Variants in NTM observed in about 807,000 individuals in gnomAD.
The protein encoded by NTM is IgLON family member 2.
A neutral mutation model predicts 42.1 loss-of-function variants in NTM; 13 were observed. That is an observed-to-expected ratio of 0.31 (90% CI 0.20 to 0.49). The LOEUF (loss-of-function observed/expected upper bound fraction) is 0.49, where lower values mean the gene tolerates loss of function less well. NTM is among the 20% of genes least tolerant of loss of function. The pLI is 0.99. For synonymous variants in NTM, 187 were observed against 179.2 expected, an observed-to-expected ratio of 1.04 and a Z score of -0.35; for missense variants, 373 against 452.8, an observed-to-expected ratio of 0.82 and a Z score of 1.60.
chr11:132,126,766 C>T (rs1000157598), intron 2 of NTM, among the ~76,000 whole-genome samples: 5 of 152,136 alleles, frequency 3.3e-5, no homozygotes, highest in African/African-American at 9.7e-5. Flanking sequence ...GCCTCCAGAA[C>T]GTGCCTTTTT....
At chr11:131,685,323 A>AGAGTC (rs1292517070) in intron 1 of NTM, among the ~76,000 whole-genome samples, 4 of 152,128 alleles carry the variant, frequency 2.6e-5, no homozygotes, top group African/African-American at 9.6e-5. Flanking sequence ...GGGCTCATGG[A>AGAGTC]GAGTCGGGCA....
At chr11:131,982,621 G>A (rs2065429853) in intron 2 of NTM, among the ~76,000 whole-genome samples, 1 of 152,092 alleles carries the variant, frequency 6.6e-6, no homozygotes, top group African/African-American at 2.4e-5. Flanking sequence ...CACATAAAAT[G>A]AAAGGGGGGG....
chr11:132,274,881 A>G (rs2139742931), intron 4 of NTM, among the ~76,000 whole-genome samples: 1 of 152,222 alleles, frequency 6.6e-6, no homozygotes, highest in Non-Finnish European at 1.5e-5. Flanking sequence ...GATGTTGAAT[A>G]TCTTTTCATT....
intron 6 of NTM, among the ~76,000 whole-genome samples, chr11:132,311,761 G>GA (rs141441183): frequency 0.033 from 5,061 of 152,150 alleles, 270 homozygotes; most frequent in African/African-American, 0.11. Flanking sequence ...GAGAAAAATA[G>GA]AAAAAATACA....
chr11:132,180,063 A>G (rs1365586935), intron 3 of NTM, among the ~76,000 whole-genome samples: 1 of 152,198 alleles, frequency 6.6e-6, no homozygotes, highest in Non-Finnish European at 1.5e-5. Flanking sequence ...TTAAAGGCCT[A>G]TGGGAACCCC....
At chr11:131,882,208 CTA>C (rs2049646163) in intron 1 of NTM, among the ~76,000 whole-genome samples, 1 of 152,110 alleles carries the variant, frequency 6.6e-6, no homozygotes, top group Non-Finnish European at 1.5e-5. Flanking sequence ...TTCTATCTAT[CTA>C]TGTGAAAGAG....
intron 2 of NTM, among the ~76,000 whole-genome samples, chr11:132,010,107 C>T (rs2071780669): frequency 6.6e-6 from 1 of 152,218 alleles, no homozygotes. Flanking sequence ...AATCCAAACA[C>T]TTATCCTCAC....
Position 132,035,017 on chromosome 11 carries a change from T to C in NTM, c.168-111265T>C, listed in dbSNP as rs1219776890. 3.3e-5 allele frequency among the ~76,000 whole-genome samples: 5 copies of C among 152,362 alleles called. No individual in the cohort carries two copies. The East Asian group carries it at 9.6e-4, about 29-fold the overall frequency. ...GTTTATGCTCATATTTCTGATGTTT[T>C]TCTTCCCATGGTTTTCATTAACAAA... On this transcript the variant is annotated intron_variant, in intron 2 of 8. Transcript: ENST00000683400.
At chr11:132,052,773 CTGTGTGTGTG>C (rs5795753) in intron 2 of NTM, among the ~76,000 whole-genome samples, 8 of 148,272 alleles carry the variant, frequency 5.4e-5, no homozygotes, top group South Asian at 4.4e-4. Context: ...TCCAGGCTCA[CTGTGTGTGTG>C]TGTGTGTGTG....
At chr11:131,403,925 C>G (rs927935939) in intron 1 of NTM, among the ~76,000 whole-genome samples, 2 of 152,088 alleles carry the variant, frequency 1.3e-5, no homozygotes, top group Non-Finnish European at 2.9e-5. Flanking sequence ...GGGGCCTCTC[C>G]TCTCTCCCCT....
At chr11:131,797,091 A>C (rs2091647406) in intron 1 of NTM, among the ~76,000 whole-genome samples, 1 of 152,246 alleles carries the variant, frequency 6.6e-6, no homozygotes. Context: ...TAGCACAAAA[A>C]AGATTTTGAC....
At chr11:131,439,088 C>T (rs1949385886) in intron 1 of NTM, among the ~76,000 whole-genome samples, 1 of 152,204 alleles carries the variant, frequency 6.6e-6, no homozygotes. Context: ...CCACTCCAGA[C>T]CCTCTTTTCC....
intron 1 of NTM, among the ~76,000 whole-genome samples, chr11:131,398,620 T>TG (rs1944807905): frequency 6.6e-6 from 1 of 152,224 alleles, no homozygotes; most frequent in Non-Finnish European, 1.5e-5. Flanking sequence ...GTTGTTCTAA[T>TG]TTTTTGCTGT....
At chr11:131,582,681 C>G (rs1440902283) in intron 1 of NTM, among the ~76,000 whole-genome samples, 4 of 152,074 alleles carry the variant, frequency 2.6e-5, no homozygotes, top group Admixed American at 2.0e-4. Flanking sequence ...ATTTGTGGTG[C>G]ATAGTTAACA....
intron 1 of NTM, among the ~76,000 whole-genome samples, chr11:131,742,794 G>T (rs968194431): frequency 2.0e-5 from 3 of 152,152 alleles, no homozygotes; most frequent in African/African-American, 7.2e-5. Context: ...AAGAAGAAAA[G>T]AATCTAGGTG....
chr11:131,815,147 A>G (rs1316045720), intron 1 of NTM, among the ~76,000 whole-genome samples: 2 of 152,084 alleles, frequency 1.3e-5, no homozygotes, highest in African/African-American at 4.8e-5. Flanking sequence ...GCTTAGAGGG[A>G]CCATCTGGAC....
chr11:132,101,640 C>A (rs1209329062), intron 2 of NTM, among the ~76,000 whole-genome samples: 3 of 151,626 alleles, frequency 2.0e-5, no homozygotes, highest in Non-Finnish European at 4.4e-5. Context: ...TAATGCAGGC[C>A]AGAAACCTAA....
chr11:131,918,976 C>T (rs938685554), intron 2 of NTM, among the ~76,000 whole-genome samples: 2 of 152,168 alleles, frequency 1.3e-5, no homozygotes. Context: ...ATACCATGAA[C>T]ATTTCCACGT....
chr11:131,833,014 T>C (rs939628321), intron 1 of NTM, among the ~76,000 whole-genome samples: 5 of 152,222 alleles, frequency 3.3e-5, no homozygotes, highest in African/African-American at 1.2e-4. Context: ...ATTAAAGTTG[T>C]CATAAATACC....
Sources: allele counts gnomAD v4.1 joint callset (sites outside exome capture counted in the v4.1 genomes callset), GRCh38; gene constraint gnomAD v4.1.1; transcripts MANE v1.5; gene names NCBI Gene and HGNC (gene_info 2026-07-23, HGNC 2026-07-21).